Variants in TENM1 observed in about 807,000 individuals in gnomAD.
TENM1 encodes the protein teneurin transmembrane protein 1, also known as teneurin-1.
A neutral mutation model predicts 174.8 loss-of-function variants in TENM1; 35 were observed. The ratio of observed to expected loss-of-function variants is 0.20; its 90% CI spans 0.15 to 0.27. The LOEUF (loss-of-function observed/expected upper bound fraction) is 0.27. TENM1 is among the 10% of genes least tolerant of loss of function. TENM1 has a pLI of 1.00. For synonymous variants in TENM1, 781 were observed against 798.7 expected (o/e 0.98, Z 0.37); for missense variants, 1,633 against 2,130.1 (o/e 0.77, Z 4.59).
At chrX:124,567,735 G>A (rs561112878) in intron 11 of TENM1, among the ~76,000 whole-genome samples, 7 of 111,440 alleles carry the variant, frequency 6.3e-5, no homozygotes, top group South Asian at 7.7e-4. Context: ...CCCTGGTCCC[G>A]AATCTTGGTC....
At chrX:124,415,625 C>T (rs1297674488) in intron 25 of TENM1, among the ~76,000 whole-genome samples, 2 of 111,893 alleles carry the variant, frequency 1.8e-5, no homozygotes, top group African/African-American at 3.3e-5. Context: ...TGTAAAATGA[C>T]ATCTAATGTC....
chrX:124,638,186 G>A (rs761285916), intron 11 of TENM1, among the ~76,000 whole-genome samples: 1 of 110,873 alleles, frequency 9.0e-6, no homozygotes, highest in Non-Finnish European at 1.9e-5. Context: ...GAGAAGGAGG[G>A]GGCAACATAC....
intron 3 of TENM1, among the ~76,000 whole-genome samples, chrX:124,862,913 T>A (rs1473502062): frequency 2.8e-5 from 3 of 107,371 alleles, no homozygotes; most frequent in African/African-American, 1.0e-4. Flanking sequence ...GAGGCCTTTG[T>A]CTTGCATCTT....
chrX:124,766,479 C>A (rs1294090328), intron 3 of TENM1, among the ~76,000 whole-genome samples: 1 of 111,229 alleles, frequency 9.0e-6, no homozygotes, highest in Non-Finnish European at 1.9e-5. Flanking sequence ...CTGTGGGAAA[C>A]GGTGAGAAAA....
intron 15 of TENM1, among the ~76,000 whole-genome samples, chrX:124,544,418 A>G (rs917924010): frequency 7.1e-5 from 8 of 112,335 alleles, no homozygotes; most frequent in African/African-American, 2.6e-4. Context: ...TGGAGATAGT[A>G]ATAGTACCTA....
Position 124,879,706 on chromosome X carries a change from T to C in TENM1, c.535+14590A>G, listed in dbSNP as rs181699401. Among the ~76,000 whole-genome samples the C allele has an allele frequency of 1.3e-4, 15 of 112,376 alleles. No individual in the cohort carries two copies. In the East Asian group the frequency reaches 3.9e-3, roughly 29 times the overall value. On this transcript the variant is annotated intron_variant, in intron 3 of 31. Transcript: ENST00000422452. ...TGAGAAATCTCCATATTGCTTTCAA[T>C]AGTGGTTATACTAATTAACATTCCC...
chrX:125,021,576 T>C, the TENM1 span, among the ~76,000 whole-genome samples: 64 of 107,606 alleles, frequency 5.9e-4, no homozygotes, highest in African/African-American at 2.1e-3. Context: ...TAAGTCAGGA[T>C]CTGGCAAACA....
chrX:124,378,238 A>C (rs2060122630), exon 32 of TENM1: 1 of 112,625 alleles, frequency 8.9e-6, no homozygotes, highest in Admixed American at 9.4e-5. Context: ...TATTTAAAGC[A>C]GTTTGAAAAT....
At chrX:125,049,904 C>A in the TENM1 span, among the ~76,000 whole-genome samples, 4,045 of 109,265 alleles carry the variant, frequency 0.037, 219 homozygotes, top group African/African-American at 0.13. Context: ...TTTATATATT[C>A]TGGATATGAC....
chrX:124,686,384 C>G (rs939535356), intron 5 of TENM1, among the ~76,000 whole-genome samples: 1 of 111,906 alleles, frequency 8.9e-6, no homozygotes, highest in African/African-American at 3.2e-5. Flanking sequence ...ATAAAGGATG[C>G]TAACTAACAA....
rs777339025 is a variant in TENM1, at chrX:124,380,475, A to G, written c.*61T>C. The G allele has an allele frequency of 1.7e-3, 1,828 of 1,095,026 alleles. 4 individuals are homozygous for G. Among genetic ancestry groups the G allele is most frequent in the Non-Finnish European group, 2.1e-3 (1,757 of 823,230 alleles). 90.2% of individuals were successfully genotyped at this position (1,095,026 alleles called of 1,213,427 possible). On this transcript the variant is annotated 3_prime_UTR_variant, in exon 32 of 32. Transcript: ENST00000422452. ...TTCTGATCTAGAAAACCAATACAAT[A>G]AACCATTTTATGTTTTAAAAACAGG... is the stretch of plus-strand genomic sequence containing the variant.
the TENM1 span, among the ~76,000 whole-genome samples, chrX:125,194,962 C>T: frequency 2.7e-5 from 3 of 112,141 alleles, no homozygotes; most frequent in African/African-American, 9.7e-5. Flanking sequence ...TCTACTATAG[C>T]ATTTGTTATA....
chrX:124,435,443 C>T (rs2060827262), intron 23 of TENM1, among the ~76,000 whole-genome samples: 2 of 111,717 alleles, frequency 1.8e-5, no homozygotes, highest in African/African-American at 6.5e-5. Context: ...ATTTCTGTAG[C>T]TACTGCTAAC....
At chrX:124,642,483 G>A (rs1199413632) in intron 10 of TENM1, among the ~76,000 whole-genome samples, 1 of 112,317 alleles carries the variant, frequency 8.9e-6, no homozygotes, top group East Asian at 2.8e-4. Context: ...GGTGAATGCT[G>A]TTGCATGAAA....
At chrX:125,064,705 C>A in the TENM1 span, among the ~76,000 whole-genome samples, 1 of 110,862 alleles carries the variant, frequency 9.0e-6, no homozygotes, top group East Asian at 2.9e-4. Context: ...CTCCTGGGTT[C>A]ATGCCATTCT....
the TENM1 span, among the ~76,000 whole-genome samples, chrX:125,113,313 G>A: frequency 9.0e-6 from 1 of 111,066 alleles, no homozygotes; most frequent in Admixed American, 9.6e-5. Context: ...AAACTGTCAT[G>A]ATCTTGGAAT....
chrX:125,170,797 T>C, the TENM1 span, among the ~76,000 whole-genome samples: 1 of 111,593 alleles, frequency 9.0e-6, no homozygotes, highest in Middle Eastern at 4.7e-3. Flanking sequence ...ATGCTTTCCC[T>C]GAACATCCTG....
chrX:125,165,812 G>A, the TENM1 span, among the ~76,000 whole-genome samples: 1 of 111,447 alleles, frequency 9.0e-6, no homozygotes, highest in Non-Finnish European at 1.9e-5. Context: ...AGCCATCATG[G>A]TTGGCCTGAG....
the TENM1 span, among the ~76,000 whole-genome samples, chrX:125,017,502 C>T: frequency 9.0e-6 from 1 of 111,600 alleles, no homozygotes; most frequent in African/African-American, 3.3e-5. Flanking sequence ...CATCATTTGA[C>T]CCAGCAATCC....
Sources: gnomAD v4.1 joint callset for allele counts (sites outside exome capture counted in the v4.1 genomes callset) on GRCh38, gnomAD v4.1.1 for gene constraint, MANE v1.5 for transcripts, NCBI Gene and HGNC (gene_info 2026-07-23, HGNC 2026-07-21) for gene names.